Variants in CDH9 observed in about 807,000 individuals in gnomAD.
CDH9 encodes cadherin-9.
Under a neutral mutation model 70.9 loss-of-function variants are expected in CDH9, and 28 were observed. That is an observed-to-expected ratio of 0.40 (90% CI 0.29 to 0.54). CDH9 has a LOEUF of 0.54. Ranked by LOEUF, CDH9 falls within the 20% of genes least tolerant of loss-of-function variation. CDH9 has a pLI of 0.59. For synonymous variants in CDH9, 409 were observed against 343.1 expected (o/e 1.19, Z -2.12); for missense variants, 874 against 984.4 (o/e 0.89, Z 1.50).
chr5:26,937,508 T>C (rs983497349), intron 2 of CDH9, among the ~76,000 whole-genome samples: 3 of 152,152 alleles, frequency 2.0e-5, no homozygotes, highest in African/African-American at 7.2e-5. Context: ...CTAGCAATTA[T>C]ATTACCTGGT....
chr5:26,913,680 T>G (rs906219941), intron 3 of CDH9, among the ~76,000 whole-genome samples: 1 of 152,050 alleles, frequency 6.6e-6, no homozygotes, highest in Non-Finnish European at 1.5e-5. Flanking sequence ...ACATCTTTCA[T>G]GCATAAACTT....
intron 1 of CDH9, among the ~76,000 whole-genome samples, chr5:27,005,133 TTAAG>T (rs1343137981): frequency 6.6e-6 from 1 of 152,108 alleles, no homozygotes; most frequent in Non-Finnish European, 1.5e-5. Context: ...TAATAAATCT[TTAAG>T]TATTATTAAT....
intron 2 of CDH9, among the ~76,000 whole-genome samples, chr5:26,927,685 A>T (rs905807342): frequency 1.3e-5 from 2 of 152,078 alleles, no homozygotes; most frequent in African/African-American, 4.8e-5. Flanking sequence ...AGGATTTTGC[A>T]CTAGATTCTC....
chr5:26,880,780 T>C lies in CDH9; in HGVS notation c.*356A>G, dbSNP rs1740446525. 6.1e-6 allele frequency: 1 copy of C among 165,026 alleles called. No individual in the cohort carries two copies. Among genetic ancestry groups the C allele is most frequent in the Admixed American group, 6.4e-5 (1 of 15,708 alleles). 10.2% of individuals were successfully genotyped at this position (165,026 alleles called of 1,614,324 possible). On this transcript the variant is annotated 3_prime_UTR_variant, in exon 12 of 12. Coordinates refer to ENST00000231021, the MANE Select transcript of CDH9 (RefSeq NM_016279.4). ...ATTTACAAAGCGGTTGCACAATATT[T>C]AGTTTAATTGTAAAGGTGACTGAAA...
chr5:26,891,291 A>T (rs1740655676), intron 7 of CDH9, among the ~76,000 whole-genome samples: 1 of 152,242 alleles, frequency 6.6e-6, no homozygotes, highest in Admixed American at 6.5e-5. Flanking sequence ...CAGCAAAAGT[A>T]ATTTTGCAGA....
intron 3 of CDH9, among the ~76,000 whole-genome samples, chr5:26,913,023 G>A (rs762701966): frequency 3.3e-5 from 5 of 152,250 alleles, no homozygotes; most frequent in Admixed American, 3.3e-4. Flanking sequence ...CTTCTGCCAT[G>A]ATGATTGTGA....
At chr5:27,036,089 A>C (rs1376485417) in intron 1 of CDH9, among the ~76,000 whole-genome samples, 2 of 151,874 alleles carry the variant, frequency 1.3e-5, no homozygotes, top group African/African-American at 4.8e-5. Flanking sequence ...TCTCTAAAGC[A>C]TTCTTATTAA....
chr5:27,018,287 A>G (rs924514490), intron 1 of CDH9, among the ~76,000 whole-genome samples: 2 of 151,772 alleles, frequency 1.3e-5, no homozygotes, highest in African/African-American at 4.8e-5. Context: ...AATTTTCCTC[A>G]CGTATGTATC....
At chr5:26,954,532 C>T (rs1741912074) in intron 2 of CDH9, among the ~76,000 whole-genome samples, 2 of 151,390 alleles carry the variant, frequency 1.3e-5, no homozygotes, top group Admixed American at 6.6e-5. Context: ...CTACAGGTGC[C>T]CGCCACTACA....
intron 7 of CDH9, among the ~76,000 whole-genome samples, chr5:26,896,015 C>T (rs1740743473): frequency 6.6e-6 from 1 of 151,906 alleles, no homozygotes; most frequent in East Asian, 1.9e-4. Flanking sequence ...TCCGGTATGG[C>T]CTTGCAAATT....
rs139488975 is a variant in CDH9 at position 26,946,198 on chromosome 5, A to G, written c.229-30274T>C. On this transcript the variant is annotated intron_variant, in intron 2 of 11. Coordinates refer to ENST00000231021, the MANE Select transcript of CDH9 (RefSeq NM_016279.4). ...CACACCTCTCTCTTAGAAGCCTTAT[A>G]TTTTGAGCTGGCCTAGAGGGAATTC... 1.4e-4 allele frequency among the ~76,000 whole-genome samples: 21 copies of G among 152,284 alleles called. 1 individual carries two copies. In the East Asian group the frequency reaches 3.9e-3, roughly 28 times the overall value.
At chr5:26,973,471 G>A (rs1373065934) in intron 2 of CDH9, among the ~76,000 whole-genome samples, 4 of 151,458 alleles carry the variant, frequency 2.6e-5, no homozygotes, top group Non-Finnish European at 5.9e-5. Context: ...GATGTTCCTT[G>A]AAGATTAGCA....
intron 2 of CDH9, among the ~76,000 whole-genome samples, chr5:26,936,611 T>C (rs1741562892): frequency 6.6e-6 from 1 of 152,056 alleles, no homozygotes; most frequent in South Asian, 2.1e-4. Context: ...AAAATGAAAG[T>C]TGTATAACTG....
At chr5:26,959,018 A>G (rs900717760) in intron 2 of CDH9, among the ~76,000 whole-genome samples, 13 of 152,140 alleles carry the variant, frequency 8.5e-5, no homozygotes, top group African/African-American at 2.9e-4. Context: ...TGGACTTCAT[A>G]AAAACAAACT....
intron 2 of CDH9, among the ~76,000 whole-genome samples, chr5:26,971,671 G>T (rs1210348492): frequency 6.6e-6 from 1 of 152,168 alleles, no homozygotes; most frequent in Admixed American, 6.5e-5. Flanking sequence ...CTGTGCATGT[G>T]TGTGTATACA....
intron 5 of CDH9, among the ~76,000 whole-genome samples, chr5:26,904,406 C>T (rs1337992243): frequency 1.3e-5 from 2 of 151,470 alleles, no homozygotes; most frequent in South Asian, 2.1e-4. Context: ...TTGTGGCTAC[C>T]TATTCAAGAG....
At chr5:27,016,995 A>G (rs1743056939) in intron 1 of CDH9, among the ~76,000 whole-genome samples, 2 of 151,900 alleles carry the variant, frequency 1.3e-5, no homozygotes, top group Non-Finnish European at 2.9e-5. Flanking sequence ...ACAAGCTTCA[A>G]GTTTAATAAT....
At chr5:26,982,829 C>T (rs1055694694) in intron 2 of CDH9, among the ~76,000 whole-genome samples, 2 of 151,908 alleles carry the variant, frequency 1.3e-5, no homozygotes, top group Non-Finnish European at 2.9e-5. Flanking sequence ...ATTACAGGCA[C>T]CTGCCACCAC....
intron 2 of CDH9, among the ~76,000 whole-genome samples, chr5:26,975,131 C>G (rs374734479): frequency 7.4e-4 from 113 of 152,192 alleles, no homozygotes; most frequent in African/African-American, 1.9e-3. Flanking sequence ...ACAGAATTGC[C>G]CTGGAAAGAA....
Sources: gnomAD v4.1 joint callset for allele counts (sites outside exome capture counted in the v4.1 genomes callset) on GRCh38, gnomAD v4.1.1 for gene constraint, MANE v1.5 for transcripts, NCBI Gene and HGNC (gene_info 2026-07-23, HGNC 2026-07-21) for gene names.